Variants in CLYBL observed in about 807,000 individuals in gnomAD.
CLYBL encodes citramalyl-CoA lyase.
CLYBL carries 31 observed loss-of-function variants against 38.9 expected under a neutral mutation model. The ratio of observed to expected loss-of-function variants is 0.80; its 90% CI spans 0.60 to 1.08. The LOEUF (loss-of-function observed/expected upper bound fraction) is 1.08. Ranked by LOEUF, CLYBL falls within the 50% of genes least tolerant of loss-of-function variation. The pLI, the probability that CLYBL is intolerant of heterozygous loss-of-function variation, is 0.00. For missense variants in CLYBL, 434 were observed against 411.6 expected, an observed-to-expected ratio of 1.05 and a Z score of -0.47; for synonymous variants, 171 against 158.6, an observed-to-expected ratio of 1.08 and a Z score of -0.59.
intron 1 of CLYBL, among the ~76,000 whole-genome samples, chr13:99,743,887 C>A (rs1190058034): frequency 6.6e-6 from 1 of 150,944 alleles, no homozygotes; most frequent in Non-Finnish European, 1.5e-5. Flanking sequence ...TGCAGTCTAG[C>A]GGTATTGCGG....
At chr13:99,820,722 T>C (rs927174587) in intron 2 of CLYBL, among the ~76,000 whole-genome samples, 7 of 152,162 alleles carry the variant, frequency 4.6e-5, no homozygotes, top group African/African-American at 1.7e-4. Context: ...TTTGCATGTG[T>C]GTGCTGGGAA....
chr13:99,886,492 G>A (rs1228600212), intron 7 of CLYBL, among the ~76,000 whole-genome samples: 3 of 152,230 alleles, frequency 2.0e-5, no homozygotes, highest in Admixed American at 6.5e-5. Flanking sequence ...CGGAAGACAC[G>A]TGTGCTATGG....
At chr13:99,622,261 A>G (rs2046809868) in intron 1 of CLYBL, among the ~76,000 whole-genome samples, 1 of 152,234 alleles carries the variant, frequency 6.6e-6, no homozygotes, top group Non-Finnish European at 1.5e-5. Context: ...GTAACCTGAC[A>G]TATCAATAAA....
chr13:99,906,196 A>G (rs1431933088), intron 9 of CLYBL, among the ~76,000 whole-genome samples: 3 of 152,270 alleles, frequency 2.0e-5, no homozygotes, highest in Non-Finnish European at 4.4e-5. Flanking sequence ...AGCACCTGTC[A>G]CTGTGATCAT....
intron 1 of CLYBL, among the ~76,000 whole-genome samples, chr13:99,749,944 T>C (rs972460921): frequency 1.3e-5 from 2 of 152,242 alleles, no homozygotes; most frequent in Admixed American, 6.5e-5. Context: ...TTATCATAGA[T>C]GCTGGTGTAA....
intron 2 of CLYBL, among the ~76,000 whole-genome samples, chr13:99,831,376 CTAA>C (rs1396412733): frequency 6.6e-6 from 1 of 152,034 alleles, no homozygotes; most frequent in Non-Finnish European, 1.5e-5. Context: ...GTTGTTCTTA[CTAA>C]TAATAAGAAT....
intron 1 of CLYBL, among the ~76,000 whole-genome samples, chr13:99,695,291 A>G (rs771445655): frequency 5.3e-5 from 8 of 152,084 alleles, no homozygotes; most frequent in Non-Finnish European, 1.0e-4. Context: ...CATGGCTGAC[A>G]CCCCTATAAC....
intron 2 of CLYBL, among the ~76,000 whole-genome samples, chr13:99,840,297 T>C (rs906705503): frequency 6.6e-6 from 1 of 151,332 alleles, no homozygotes; most frequent in African/African-American, 2.4e-5. Flanking sequence ...ATCTTAATCA[T>C]AACCACCTCC....
chr13:99,892,814 C>T (rs2281757), downstream of CLYBL: 72,674 of 152,054 alleles, frequency 0.48, 18,214 homozygotes, highest in African/African-American at 0.63. Flanking sequence ...ACCAGGCCTC[C>T]CCTTTTCCCC....
chr13:99,652,059 A>G (rs752273112), intron 1 of CLYBL, among the ~76,000 whole-genome samples: 1 of 152,252 alleles, frequency 6.6e-6, no homozygotes, highest in Non-Finnish European at 1.5e-5. Context: ...GCATGCCGAC[A>G]TGAATCCTTC....
chr13:99,649,947 T>A (rs2047227103), intron 1 of CLYBL, among the ~76,000 whole-genome samples: 1 of 150,590 alleles, frequency 6.6e-6, no homozygotes, highest in South Asian at 2.1e-4. Flanking sequence ...CAAGACCTCA[T>A]CCCTACAAAA....
At chr13:99,636,465 G>A (rs1308836587) in intron 1 of CLYBL, among the ~76,000 whole-genome samples, 1 of 152,110 alleles carries the variant, frequency 6.6e-6, no homozygotes, top group East Asian at 1.9e-4. Flanking sequence ...GGCTGGGCAG[G>A]GCCTCCAGTG....
At chr13:99,757,948 A>G (rs1465383269) in intron 1 of CLYBL, among the ~76,000 whole-genome samples, 1 of 152,236 alleles carries the variant, frequency 6.6e-6, no homozygotes, top group Non-Finnish European at 1.5e-5. Flanking sequence ...AATCTTGTCT[A>G]TACGCAGATT....
chr13:99,656,339 G>A (rs2047330317), intron 1 of CLYBL, among the ~76,000 whole-genome samples: 1 of 152,052 alleles, frequency 6.6e-6, no homozygotes, highest in African/African-American at 2.4e-5. Flanking sequence ...CGGGTCCACG[G>A]CACTTTCCAC....
chr13:99,730,570 TGAGCCTGGGGACAGTGGAGCCTCTGAGCA>T (rs2048570759), intron 1 of CLYBL, among the ~76,000 whole-genome samples: 1 of 152,058 alleles, frequency 6.6e-6, no homozygotes, highest in Non-Finnish European at 1.5e-5. Context: ...GGAGATGGGG[TGAGCCTGGGGACAGTGGAGCCTCTGAGCA>T]GAGGACTCCA....
intron 1 of CLYBL, among the ~76,000 whole-genome samples, chr13:99,614,559 C>G (rs551403720): frequency 1.3e-5 from 2 of 152,054 alleles, no homozygotes; most frequent in Non-Finnish European, 2.9e-5. Flanking sequence ...TACACCTGCC[C>G]GGGCAGGTGT....
chr13:99,865,035 T>C lies in CLYBL; in HGVS notation c.634+124T>C. 1.3e-6 allele frequency: 1 copy of C among 750,014 alleles called. No homozygotes were observed. Among genetic ancestry groups the C allele is most frequent in the South Asian group, 1.4e-5 (1 of 69,374 alleles). 46.5% of individuals were successfully genotyped at this position (750,014 alleles called of 1,614,324 possible). ...AATGTATATTTGCCAACCATGACAA[T>C]GGTTTTTCATGACAATGGAATGGAC... is the stretch of plus-strand genomic sequence containing the variant. On this transcript the variant is annotated intron_variant, in intron 5 of 8. Transcript: ENST00000339105. This position sits in a 1 kb window ranked among gnomAD's most constrained non-coding sequence, Gnocchi z 4.7.
At chr13:99,767,897 G>A (rs193133588) in intron 1 of CLYBL, among the ~76,000 whole-genome samples, 23 of 152,236 alleles carry the variant, frequency 1.5e-4, no homozygotes, top group East Asian at 3.9e-4. Flanking sequence ...GCATCTTTAA[G>A]ACAGTTGTTT....
intron 2 of CLYBL, among the ~76,000 whole-genome samples, chr13:99,832,620 C>G (rs948506883): frequency 3.3e-5 from 5 of 152,090 alleles, no homozygotes; most frequent in East Asian, 1.9e-4. Flanking sequence ...ACATAATTCT[C>G]TAGTCCTGAA....
Sources: gnomAD v4.1 joint callset for allele counts (sites outside exome capture counted in the v4.1 genomes callset) on GRCh38, gnomAD v4.1.1 for gene constraint, Gnocchi (gnomAD v3.1) non-coding constraint, MANE v1.5 for transcripts, NCBI Gene and HGNC (gene_info 2026-07-23, HGNC 2026-07-21) for gene names.